Variants in GLIS3 observed in about 807,000 individuals in gnomAD.
GLIS3 encodes GLIS family zinc finger 3.
GLIS3 carries 53 observed loss-of-function variants against 78.6 expected under a neutral mutation model. The observed-to-expected ratio is 0.67, with a 90% CI of 0.54 to 0.85. The LOEUF is 0.85. Among genes scored for constraint, GLIS3 ranks in the 40% least tolerant of loss-of-function variants. GLIS3 has a pLI of 0.00. For synonymous variants in GLIS3, 684 were observed against 509.9 expected, an observed-to-expected ratio of 1.34 and a Z score of -4.60; for missense variants, 1,703 against 1,231.1, an observed-to-expected ratio of 1.38 and a Z score of -5.74.
intron 2 of GLIS3, among the ~76,000 whole-genome samples, chr9:4,192,003 T>C (rs987636233): frequency 1.3e-5 from 2 of 152,200 alleles, no homozygotes; most frequent in Non-Finnish European, 2.9e-5. Flanking sequence ...TGTGTCTATA[T>C]ATCTTTACAT....
intron 2 of GLIS3, among the ~76,000 whole-genome samples, chr9:4,173,022 T>C (rs1479303846): frequency 6.6e-6 from 1 of 152,202 alleles, no homozygotes; most frequent in African/African-American, 2.4e-5. Flanking sequence ...TATTTATTTT[T>C]TTAACACTAT....
chr9:3,900,505 T>C (rs1050379289), intron 6 of GLIS3, among the ~76,000 whole-genome samples: 4 of 151,846 alleles, frequency 2.6e-5, no homozygotes, highest in African/African-American at 9.7e-5. Context: ...AATATACACA[T>C]ATATATATAA....
At chr9:4,173,972 C>G (rs928756272) in intron 2 of GLIS3, among the ~76,000 whole-genome samples, 6 of 151,806 alleles carry the variant, frequency 4.0e-5, no homozygotes, top group Non-Finnish European at 7.4e-5. Flanking sequence ...AGAAAAATAA[C>G]CGAAACACTC....
In GLIS3 at chr9:4,069,564, T is replaced by C. The variant is rs140236628; in HGVS notation, c.1710+48204A>G. Among the ~76,000 whole-genome samples the C allele has an allele frequency of 3.9e-3, 591 of 152,360 alleles. 3 individuals are homozygous for C. Among genetic ancestry groups the C allele is most frequent in the African/African-American group, 0.011 (442 of 41,590 alleles). ...GACTAAGGTTTCTTTTTAACTTATC[T>C]GTCAAATACTAGCTTGTTGTTTTTT... On this transcript the variant is annotated intron_variant, in intron 4 of 10. Transcript: ENST00000381971.
chr9:4,174,674 T>A (rs530892925), intron 2 of GLIS3, among the ~76,000 whole-genome samples: 5 of 152,370 alleles, frequency 3.3e-5, no homozygotes, highest in African/African-American at 1.2e-4. Flanking sequence ...ACCTCCTTTT[T>A]AATTAATTGT....
intron 3 of GLIS3, among the ~76,000 whole-genome samples, chr9:4,123,167 T>C (rs1832316495): frequency 6.6e-6 from 1 of 152,094 alleles, no homozygotes; most frequent in Admixed American, 6.5e-5. Context: ...TATGAAAACT[T>C]TAATATTGTC....
chr9:4,050,471 T>G (rs1825668074), intron 4 of GLIS3, among the ~76,000 whole-genome samples: 1 of 152,048 alleles, frequency 6.6e-6, no homozygotes, highest in Non-Finnish European at 1.5e-5. Flanking sequence ...GGGGGAGGGA[T>G]AGCGTTAGGT....
At chr9:4,431,367 G>A in the GLIS3 span, among the ~76,000 whole-genome samples, 1 of 152,144 alleles carries the variant, frequency 6.6e-6, no homozygotes, top group Admixed American at 6.5e-5. Context: ...AAAATAACTA[G>A]GAGATTTTGG....
At chr9:3,887,985 A>G (rs979383327) in intron 7 of GLIS3, among the ~76,000 whole-genome samples, 1 of 152,040 alleles carries the variant, frequency 6.6e-6, no homozygotes, top group Admixed American at 6.5e-5. Context: ...CCTACCTGCT[A>G]CTCACCTTCG....
At chr9:4,080,728 C>G (rs1828486357) in intron 4 of GLIS3, among the ~76,000 whole-genome samples, 1 of 152,144 alleles carries the variant, frequency 6.6e-6, no homozygotes, top group Non-Finnish European at 1.5e-5. Flanking sequence ...AACTGAAATA[C>G]TAATGTCAAC....
chr9:3,969,005 T>C (rs1217579205), intron 4 of GLIS3, among the ~76,000 whole-genome samples: 1 of 152,164 alleles, frequency 6.6e-6, no homozygotes, highest in Non-Finnish European at 1.5e-5. Context: ...GGCTTGGCTT[T>C]TTTTCCATTG....
At chr9:4,046,916 C>T (rs1452544943) in intron 4 of GLIS3, among the ~76,000 whole-genome samples, 1 of 152,170 alleles carries the variant, frequency 6.6e-6, no homozygotes, top group Non-Finnish European at 1.5e-5. Flanking sequence ...GGATATTTTA[C>T]CTCAATGTGA....
chr9:4,465,453 G>A, the GLIS3 span, among the ~76,000 whole-genome samples: 1 of 152,092 alleles, frequency 6.6e-6, no homozygotes, highest in African/African-American at 2.4e-5. Context: ...GGAGGCGGAG[G>A]CACAAGAATC....
At chr9:4,180,878 TCCCAAGTATAGGTCCCA>T (rs1039309767) in intron 2 of GLIS3, among the ~76,000 whole-genome samples, 2 of 152,152 alleles carry the variant, frequency 1.3e-5, no homozygotes, top group Non-Finnish European at 2.9e-5. Flanking sequence ...CAGGTGCTGG[TCCCAAGTATAGGTCCCA>T]CCCAAGTACA....
chr9:4,011,533 C>T (rs80120664), intron 4 of GLIS3, among the ~76,000 whole-genome samples: 6 of 152,120 alleles, frequency 3.9e-5, no homozygotes, highest in Admixed American at 6.5e-5. Flanking sequence ...CAGAGATGTA[C>T]GGGCAGCCCA....
chr9:4,160,035 CA>C (rs1356830328), intron 2 of GLIS3, among the ~76,000 whole-genome samples: 3 of 152,122 alleles, frequency 2.0e-5, no homozygotes, highest in Non-Finnish European at 2.9e-5. Flanking sequence ...CAAAATAATG[CA>C]AACGAACTTT....
chr9:4,026,979 A>C (rs947200315), intron 4 of GLIS3, among the ~76,000 whole-genome samples: 1 of 152,148 alleles, frequency 6.6e-6, no homozygotes, highest in African/African-American at 2.4e-5. Flanking sequence ...AATTCCATGG[A>C]GTCTCATGAT....
rs188967241 is a variant in GLIS3, at chr9:3,949,770, T to C, written c.1711-12581A>G. Among the ~76,000 whole-genome samples, 39 of 152,364 alleles carry C rather than the reference T, an allele frequency of 2.6e-4. No homozygotes were observed. In the East Asian group the frequency reaches 6.0e-3, roughly 23 times the overall value. On this transcript the variant is annotated intron_variant, in intron 4 of 10. Coordinates refer to ENST00000381971, the MANE Select transcript of GLIS3 (RefSeq NM_001042413.2). ...AATGGAATATTTGCCTAAATATTTA[T>C]TGTAGCACTTTCAAGTCTCTTTGAG... is the stretch of plus-strand genomic sequence containing the variant.
At chr9:4,259,765 A>G (rs1335866377) in intron 2 of GLIS3, among the ~76,000 whole-genome samples, 1 of 152,222 alleles carries the variant, frequency 6.6e-6, no homozygotes, top group Non-Finnish European at 1.5e-5. Context: ...TCACTGTGAC[A>G]TGTGAGCTAA....
Sources: allele counts gnomAD v4.1 joint callset (sites outside exome capture counted in the v4.1 genomes callset), GRCh38; gene constraint gnomAD v4.1.1; transcripts MANE v1.5; gene names NCBI Gene and HGNC (gene_info 2026-07-23, HGNC 2026-07-21).